The following SEC22C variants were observed in gnomAD, a reference collection of about 807,000 sequenced individuals.
SEC22C encodes the protein vesicle-trafficking protein SEC22c.
SEC22C carries 29 observed loss-of-function variants against 34.7 expected under a neutral mutation model. The observed-to-expected ratio is 0.84, with a 90% CI of 0.62 to 1.14. The LOEUF (loss-of-function observed/expected upper bound fraction) is 1.14. Ranked by LOEUF, SEC22C falls within the 50% of genes most tolerant of loss-of-function variation. The pLI is 0.00. For synonymous variants in SEC22C, 117 were observed against 132.8 expected, an observed-to-expected ratio of 0.88 and a Z score of 0.82; for missense variants, 337 against 369.0, an observed-to-expected ratio of 0.91 and a Z score of 0.71.
intron 1 of SEC22C, chr3:42,590,881 T>G (rs1258651187): frequency 1.2e-6 from 2 of 1,602,006 alleles, no homozygotes; most frequent in Admixed American, 3.4e-5. Flanking sequence ...CGGTCGTGGT[T>G]CCGGAGGTTC....
At position 42,550,472 on chromosome 3, in the gene SEC22C, T is replaced by G; in HGVS notation, c.*2776A>C. On this transcript the variant is annotated 3_prime_UTR_variant, in exon 7 of 7. Transcript: ENST00000264454. ...GCCTGGGGATTTCCCTCGGATGAAA[T>G]CACCAGAACTTCTTTCCTATTTTCA... The G allele has an allele frequency of 1.0e-6, 1 of 985,414 alleles. No homozygotes were observed. Among genetic ancestry groups the G allele is most frequent in the South Asian group, 4.7e-5 (1 of 21,282 alleles). The allele number at this position is 985,414 out of a possible 1,614,324, so 61.0% of individuals were successfully genotyped here. A position where few individuals can be genotyped will look rare whatever the true frequency, so the allele number is the denominator to read the frequency against.
At chr3:42,599,207 C>T (rs2125745411) in intron 1 of SEC22C, among the ~76,000 whole-genome samples, 1 of 150,884 alleles carries the variant, frequency 6.6e-6, no homozygotes, top group South Asian at 2.1e-4. Context: ...CCTCGTGATC[C>T]GCCTGCCTCG....
chr3:42,560,096 TTC>T (rs4016302), intron 4 of SEC22C, among the ~76,000 whole-genome samples: 2,201 of 138,614 alleles, frequency 0.016, 27 homozygotes, highest in Non-Finnish European at 0.018. Context: ...ATGATAAGGA[TTC>T]TCTCTCTCTC....
chr3:42,576,700 C>T (rs562436400), intron 1 of SEC22C, among the ~76,000 whole-genome samples: 1 of 151,400 alleles, frequency 6.6e-6, no homozygotes, highest in South Asian at 2.1e-4. Flanking sequence ...GTCAATTCTC[C>T]CCCAAACTGA....
chr3:42,589,424 A>C (rs1704736242), intron 1 of SEC22C, among the ~76,000 whole-genome samples: 1 of 152,096 alleles, frequency 6.6e-6, no homozygotes, highest in South Asian at 2.1e-4. Flanking sequence ...CCTTTTTAGG[A>C]GTGTAGGTTC....
chr3:42,549,096 CCTT>C lies in SEC22C; in HGVS notation c.*4149_*4151del. ...GCTGACTGGTGCACTCTTTCCCTCA[CCTT>C]CTCTCTCAAGGGCACAGCTACACTC... On this transcript the variant is annotated 3_prime_UTR_variant, in exon 7 of 7. Coordinates refer to ENST00000264454, the MANE Select transcript of SEC22C (RefSeq NM_032970.4). The C allele has an allele frequency of 1.0e-6, 1 of 997,968 alleles. No homozygotes were observed. The allele number at this position is 997,968 out of a possible 1,614,324, so 61.8% of individuals were successfully genotyped here. A position where few individuals can be genotyped will look rare whatever the true frequency, so the allele number is the denominator to read the frequency against.
At chr3:42,561,486 C>T (rs1362304266) in intron 3 of SEC22C, among the ~76,000 whole-genome samples, 190 bp from the exon 4 acceptor site, 1 of 152,116 alleles carries the variant, frequency 6.6e-6, no homozygotes, top group Non-Finnish European at 1.5e-5. Flanking sequence ...AGTGATTCTC[C>T]CACCTAAGCC....
intron 1 of SEC22C, chr3:42,579,664 C>T (rs1031463118): frequency 2.0e-5 from 3 of 150,398 alleles, no homozygotes; most frequent in Non-Finnish European, 4.4e-5. Flanking sequence ...TCCACAAGGA[C>T]AAAGGCAGCT....
intron 1 of SEC22C, among the ~76,000 whole-genome samples, chr3:42,596,432 T>G (rs937622937): frequency 3.9e-5 from 6 of 152,244 alleles, no homozygotes; most frequent in African/African-American, 1.2e-4. Context: ...AATCACACTC[T>G]AAAAGGCTGA....
intron 4 of SEC22C, among the ~76,000 whole-genome samples, chr3:42,558,719 G>C (rs560733973): frequency 3.9e-5 from 6 of 152,120 alleles, no homozygotes; most frequent in Admixed American, 2.6e-4. Context: ...TTGAGCCCTG[G>C]AGGTGGAGGT....
Position 42,552,072 on chromosome 3 carries a change from G to A in SEC22C, c.*1176C>T. 1.0e-6 allele frequency: 1 copy of A among 985,308 alleles called. No homozygotes were observed. The highest frequency in any genetic ancestry group is 1.2e-6 in the Non-Finnish European group (1 of 829,904). The allele number at this position is 985,308 out of a possible 1,614,324, so 61.0% of individuals were successfully genotyped here. On this transcript the variant is annotated 3_prime_UTR_variant, in exon 7 of 7. Transcript: ENST00000264454. ...AGGCTGAAATTTCGGGAAACCTAAG[G>A]GATCTTATCCAGAACCATATTTTGG...
chr3:42,582,332 A>G (rs1260332159), upstream of SEC22C: 2 of 152,248 alleles, frequency 1.3e-5, no homozygotes, highest in African/African-American at 4.8e-5. Context: ...CAGAGTGATA[A>G]CGCCCGGGGC....
At position 42,563,538 on chromosome 3, in the gene SEC22C, C is replaced by T. The variant is rs777387356; in HGVS notation, c.331G>A (p.Ala111Thr). ...GGTTACAAACCAAACTCAAGAAAAGCGTATGGCCTGGAGGCTAGGCCAATG... is the reference window on the plus strand; with the variant it reads ...GGTTACAAACCAAACTCAAGAAAAGTGTATGGCCTGGAGGCTAGGCCAATG... ...TCIGLASRPY[A>T]FLEFDSIIQK... The change falls in exon 3 of 7, where the codon GCT becomes ACT. Residue 111 changes from alanine (A) to threonine (T), a missense_variant. Transcript: ENST00000264454. 15 of 1,612,100 alleles carry T rather than the reference C, an allele frequency of 9.3e-6. No individual in the cohort carries two copies. The Admixed American group carries it at 1.0e-4, about 11-fold the overall frequency.
In SEC22C at chr3:42,590,191, GTT is replaced by G. The variant is rs1358308173; in HGVS notation, c.-28+10767_-28+10768del. Among the ~76,000 whole-genome samples the G allele has an allele frequency of 2.6e-5, 4 of 152,350 alleles. No individual in the cohort carries two copies. The East Asian group carries it at 7.7e-4, about 29-fold the overall frequency. On this transcript the variant is annotated intron_variant, in intron 1 of 6. Transcript: ENST00000417572. ...AGCAAAGAGTAAAGCTAATACCAGA[GTT>G]TTCCTGGCCTGCAGATTTGGCCTGG...
At position 42,550,968 on chromosome 3, in the gene SEC22C, AAG is replaced by A; in HGVS notation, c.*2278_*2279del. The A allele has an allele frequency of 1.3e-6, 1 of 763,836 alleles. No homozygotes were observed. The highest frequency in any genetic ancestry group is 1.6e-6 in the Non-Finnish European group (1 of 630,174). The allele number at this position is 763,836 out of a possible 1,614,324, so 47.3% of individuals were successfully genotyped here. ...ACTGCAACCTCCACCTCCCGGGTTCAAGAGATTCTCCTGCCTCAGCCTCCTGA... is the reference window on the plus strand; with the variant it reads ...ACTGCAACCTCCACCTCCCGGGTTCAAGATTCTCCTGCCTCAGCCTCCTGA... On this transcript the variant is annotated 3_prime_UTR_variant, in exon 7 of 7. Transcript: ENST00000264454.
At chr3:42,590,927 G>A in intron 1 of SEC22C, 3 of 1,613,446 alleles carry the variant, frequency 1.9e-6, no homozygotes, top group Non-Finnish European at 2.5e-6. Context: ...CGGACTGGCT[G>A]AGGGGCAAGG....
At position 42,549,410 on chromosome 3, in the gene SEC22C, C is replaced by G; in HGVS notation, c.*3838G>C. ...CTGGCTACAAGGTGCAGTGTGCAACCCCCATATGCCAAGGGGCAGCTGCTA... is the reference window on the plus strand; with the variant it reads ...CTGGCTACAAGGTGCAGTGTGCAACGCCCATATGCCAAGGGGCAGCTGCTA... On this transcript the variant is annotated 3_prime_UTR_variant, in exon 7 of 7. Transcript: ENST00000264454. 1 of 985,620 alleles carries G rather than the reference C, an allele frequency of 1.0e-6. No homozygotes were observed. The highest frequency in any genetic ancestry group is 1.2e-6 in the Non-Finnish European group (1 of 830,072). 61.1% of individuals were successfully genotyped at this position (985,620 alleles called of 1,614,324 possible). A position where few individuals can be genotyped will look rare whatever the true frequency, so the allele number is the denominator to read the frequency against.
chr3:42,598,670 G>T (rs1577381727), intron 1 of SEC22C, among the ~76,000 whole-genome samples: 2 of 151,914 alleles, frequency 1.3e-5, no homozygotes, highest in East Asian at 3.9e-4. Flanking sequence ...CATATGAGTA[G>T]ACAAATACTA....
chr3:42,591,611 C>A (rs1312588154), intron 1 of SEC22C: 2 of 1,602,614 alleles, frequency 1.2e-6, no homozygotes, highest in South Asian at 1.1e-5. Context: ...AGTAAGTACC[C>A]CCACCCCCGC....
Sources: gnomAD v4.1 joint callset for allele counts (sites outside exome capture counted in the v4.1 genomes callset) on GRCh38, gnomAD v4.1.1 for gene constraint, MANE v1.5 for transcripts, NCBI Gene and HGNC (gene_info 2026-07-23, HGNC 2026-07-21) for gene names.